The following SLC2A13 variants were observed in gnomAD, a reference collection of about 807,000 sequenced individuals.
SLC2A13 encodes proton myo-inositol cotransporter.
A neutral mutation model predicts 64.4 loss-of-function variants in SLC2A13; 32 were observed. That is an observed-to-expected ratio of 0.50 (90% CI 0.37 to 0.67). SLC2A13 has a LOEUF of 0.67. Ranked by LOEUF, SLC2A13 falls within the 30% of genes least tolerant of loss-of-function variation. The pLI is 0.00. For synonymous variants in SLC2A13, 338 were observed against 327.1 expected (o/e 1.03, Z -0.36); for missense variants, 743 against 829.2 (o/e 0.90, Z 1.28).
At chr12:39,872,182 C>T (rs1029335676) in intron 4 of SLC2A13, among the ~76,000 whole-genome samples, 3 of 152,082 alleles carry the variant, frequency 2.0e-5, no homozygotes, top group African/African-American at 4.8e-5. Flanking sequence ...AGAAAAGGCA[C>T]CTGAGCAAGT....
intron 1 of SLC2A13, among the ~76,000 whole-genome samples, chr12:40,076,872 C>T (rs1938198726): frequency 1.3e-5 from 2 of 152,044 alleles, no homozygotes; most frequent in South Asian, 4.1e-4. Context: ...GTATGAGATG[C>T]TATCTCATCA....
chr12:39,999,366 A>T lies in SLC2A13; in HGVS notation c.925+28935T>A, dbSNP rs372347871. On this transcript the variant is annotated intron_variant, in intron 3 of 9. Transcript: ENST00000280871. Reference sequence around the variant, plus strand: ...CTATAAATGGACGTGCAAGTATGGAAGATATCGCTAAATTCTTTTCTTAGC... The same window carrying T: ...CTATAAATGGACGTGCAAGTATGGATGATATCGCTAAATTCTTTTCTTAGC... Among the ~76,000 whole-genome samples the T allele has an allele frequency of 2.6e-5, 4 of 152,298 alleles. No individual in the cohort carries two copies. In the East Asian group the frequency reaches 7.7e-4, roughly 29 times the overall value.
intron 2 of SLC2A13, among the ~76,000 whole-genome samples, chr12:40,037,100 C>A (rs761127403): frequency 5.7e-4 from 86 of 152,200 alleles, no homozygotes; most frequent in Middle Eastern, 3.4e-3. Context: ...GATTTATTCC[C>A]CTTTTACATA....
At chr12:39,916,750 T>C (rs2136048830) in intron 4 of SLC2A13, among the ~76,000 whole-genome samples, 1 of 152,224 alleles carries the variant, frequency 6.6e-6, no homozygotes, top group Non-Finnish European at 1.5e-5. Flanking sequence ...TCCTTGTGTT[T>C]AAGTAATTAG....
intron 4 of SLC2A13, among the ~76,000 whole-genome samples, chr12:39,903,665 T>C (rs1945195729): frequency 6.6e-6 from 1 of 152,066 alleles, no homozygotes; most frequent in Non-Finnish European, 1.5e-5. Flanking sequence ...AGGCATCTTC[T>C]GATAACAAGG....
chr12:39,778,157 G>A (rs1378629200), intron 7 of SLC2A13, among the ~76,000 whole-genome samples: 1 of 152,136 alleles, frequency 6.6e-6, no homozygotes, highest in Non-Finnish European at 1.5e-5. Flanking sequence ...CTGCGAGGGG[G>A]ACAAGAGACC....
At chr12:39,985,543 A>T (rs1947016003) in intron 3 of SLC2A13, among the ~76,000 whole-genome samples, 1 of 152,160 alleles carries the variant, frequency 6.6e-6, no homozygotes, top group Non-Finnish European at 1.5e-5. Flanking sequence ...GCTAAAAAAT[A>T]AAGTTAGGAA....
At chr12:39,956,525 G>A (rs1946316502) in intron 3 of SLC2A13, among the ~76,000 whole-genome samples, 2 of 152,132 alleles carry the variant, frequency 1.3e-5, no homozygotes, top group African/African-American at 2.4e-5. Flanking sequence ...AGAGACTTTA[G>A]ATGTCAGGAA....
chr12:39,975,807 G>C (rs189876024), intron 3 of SLC2A13, among the ~76,000 whole-genome samples: 2 of 152,246 alleles, frequency 1.3e-5, no homozygotes, highest in African/African-American at 4.8e-5. Flanking sequence ...CAAATGGATG[G>C]AGCAACTCTA....
chr12:40,039,645 T>C (rs547815922), intron 2 of SLC2A13, among the ~76,000 whole-genome samples: 4 of 152,360 alleles, frequency 2.6e-5, no homozygotes, highest in Admixed American at 2.0e-4. Flanking sequence ...TTCACAAATA[T>C]ATAATTCCAT....
At chr12:39,816,786 C>T (rs1306981893) in intron 7 of SLC2A13, among the ~76,000 whole-genome samples, 1 of 152,000 alleles carries the variant, frequency 6.6e-6, no homozygotes, top group Non-Finnish European at 1.5e-5. Context: ...TGCCTTCATC[C>T]TTAGTTCTTG....
intron 4 of SLC2A13, among the ~76,000 whole-genome samples, chr12:39,889,791 A>G (rs1376459995): frequency 2.0e-5 from 3 of 152,078 alleles, no homozygotes; most frequent in African/African-American, 7.2e-5. Context: ...TGGCCTCCCA[A>G]AGTGTTGGGA....
chr12:40,045,615 AT>A (rs1948158948), intron 2 of SLC2A13, among the ~76,000 whole-genome samples: 1 of 151,764 alleles, frequency 6.6e-6, no homozygotes. Flanking sequence ...ACATAATTAA[AT>A]GTGTATTCAT....
At chr12:39,989,810 G>A (rs1947100888) in intron 3 of SLC2A13, among the ~76,000 whole-genome samples, 2 of 152,188 alleles carry the variant, frequency 1.3e-5, no homozygotes, top group South Asian at 4.1e-4. Flanking sequence ...TGATCCAGAA[G>A]AGGATCAAGG....
chr12:40,049,269 A>G (rs565505236), intron 1 of SLC2A13, among the ~76,000 whole-genome samples: 11 of 152,280 alleles, frequency 7.2e-5, no homozygotes, highest in African/African-American at 2.6e-4. Context: ...GATACTATAA[A>G]TCAATCCTTA....
At position 39,940,878 on chromosome 12, in the gene SLC2A13, C is replaced by T. The variant is rs536748105; in HGVS notation, c.1034+10379G>A. Among the ~76,000 whole-genome samples the T allele has an allele frequency of 1.9e-3, 155 of 80,748 alleles. 1 individual carries two copies. Among genetic ancestry groups the T allele is most frequent in the African/African-American group, 4.7e-3 (142 of 30,138 alleles). 53.0% of individuals were successfully genotyped at this position (80,748 alleles called of 152,430 possible). A position where few individuals can be genotyped will look rare whatever the true frequency, so the allele number is the denominator to read the frequency against. On this transcript the variant is annotated intron_variant, in intron 4 of 9. Coordinates refer to ENST00000280871, the MANE Select transcript of SLC2A13 (RefSeq NM_052885.4). Reference sequence around the variant, plus strand: ...CCCTCACCCCCATCCCACTCTTCCCCCTCAAGTCCCCAAAGTCCACTGTAT... The same window carrying T: ...CCCTCACCCCCATCCCACTCTTCCCTCTCAAGTCCCCAAAGTCCACTGTAT...
chr12:39,853,828 T>G (rs535648447), intron 6 of SLC2A13, among the ~76,000 whole-genome samples: 22 of 152,286 alleles, frequency 1.4e-4, no homozygotes, highest in African/African-American at 4.3e-4. Flanking sequence ...CATAAGGAAC[T>G]TTGGCCACTA....
At chr12:39,857,084 T>C (rs115166391) in intron 6 of SLC2A13, among the ~76,000 whole-genome samples, 368 of 152,214 alleles carry the variant, frequency 2.4e-3, no homozygotes, top group African/African-American at 8.6e-3. Context: ...CAATGAAGAG[T>C]TCTAGAATAA....
chr12:39,941,235 G>A (rs1254883186), intron 4 of SLC2A13, among the ~76,000 whole-genome samples: 12 of 152,094 alleles, frequency 7.9e-5, no homozygotes, highest in Admixed American at 5.9e-4. Flanking sequence ...ATAAACATGC[G>A]TGTGCAAGTA....
Sources: gnomAD v4.1 joint callset for allele counts (sites outside exome capture counted in the v4.1 genomes callset) on GRCh38, gnomAD v4.1.1 for gene constraint, MANE v1.5 for transcripts, NCBI Gene and HGNC (gene_info 2026-07-23, HGNC 2026-07-21) for gene names.